Variants in MAST4 observed in about 807,000 individuals in gnomAD.
MAST4 encodes microtubule associated serine/threonine kinase family member 4, also known as microtubule-associated serine/threonine-protein kinase 4.
A neutral mutation model predicts 162.7 loss-of-function variants in MAST4; 89 were observed. The ratio of observed to expected loss-of-function variants is 0.55; its 90% CI spans 0.46 to 0.65. The LOEUF is 0.65. Ranked by LOEUF, MAST4 falls within the 30% of genes least tolerant of loss-of-function variation. MAST4 has a pLI of 0.00. For missense variants in MAST4, 3,153 were observed against 3,374.0 expected (o/e 0.93, Z 1.62); for synonymous variants, 1,479 against 1,361.1 (o/e 1.09, Z -1.91).
At chr5:66,742,307 A>G (rs1752518746) in intron 1 of MAST4, among the ~76,000 whole-genome samples, 1 of 152,148 alleles carries the variant, frequency 6.6e-6, no homozygotes, top group Non-Finnish European at 1.5e-5. Flanking sequence ...ACTGGTTGGC[A>G]CTCAAGCTCA....
intron 5 of MAST4, among the ~76,000 whole-genome samples, chr5:67,059,576 G>A (rs1759300987): frequency 6.6e-6 from 1 of 152,182 alleles, no homozygotes; most frequent in South Asian, 2.1e-4. Flanking sequence ...CTGAGACACA[G>A]TGACTCCAGG....
chr5:66,793,747 T>TAACC (rs1755526422), intron 3 of MAST4, among the ~76,000 whole-genome samples: 1 of 152,212 alleles, frequency 6.6e-6, no homozygotes, highest in Non-Finnish European at 1.5e-5. Context: ...TGTGTGAAGG[T>TAACC]TTCATTCACA....
At chr5:66,887,970 A>T (rs776682505) in intron 3 of MAST4, among the ~76,000 whole-genome samples, 8 of 152,124 alleles carry the variant, frequency 5.3e-5, no homozygotes, top group Non-Finnish European at 7.4e-5. Context: ...GCACTTTGGG[A>T]GGCCGAGGCG....
intron 1 of MAST4, among the ~76,000 whole-genome samples, chr5:66,698,468 T>C (rs1749554630): frequency 6.6e-6 from 1 of 151,960 alleles, no homozygotes; most frequent in South Asian, 2.1e-4. Context: ...CTATCTCTTT[T>C]ACAGGTACCT....
At chr5:66,777,738 T>C (rs923495618) in intron 2 of MAST4, among the ~76,000 whole-genome samples, 7 of 152,104 alleles carry the variant, frequency 4.6e-5, no homozygotes, top group Admixed American at 2.0e-4. Flanking sequence ...ATTATTATTT[T>C]AAAGAGGGCC....
chr5:67,124,193 C>T (rs1185894518), intron 14 of MAST4, among the ~76,000 whole-genome samples: 3 of 152,198 alleles, frequency 2.0e-5, no homozygotes, highest in Admixed American at 2.0e-4. Context: ...CCCTGCCCCT[C>T]CACCTTCTAC....
intron 4 of MAST4, among the ~76,000 whole-genome samples, chr5:67,041,592 A>G (rs1370661235): frequency 6.6e-6 from 1 of 152,210 alleles, no homozygotes; most frequent in Non-Finnish European, 1.5e-5. Context: ...TACATAAATT[A>G]TCTCAGTTAA....
chr5:66,842,123 A>G (rs1220271303), intron 3 of MAST4, among the ~76,000 whole-genome samples: 2 of 152,216 alleles, frequency 1.3e-5, no homozygotes, highest in Admixed American at 1.3e-4. Context: ...GCTTTAAAAC[A>G]GTAACTCTTT....
chr5:66,698,438 C>T (rs921399601), intron 1 of MAST4, among the ~76,000 whole-genome samples: 1 of 151,888 alleles, frequency 6.6e-6, no homozygotes, highest in South Asian at 2.1e-4. Flanking sequence ...TGTCCTACCC[C>T]CTTGCTGGCT....
chr5:66,928,192 T>C (rs7728800), intron 4 of MAST4, among the ~76,000 whole-genome samples: 12,268 of 152,226 alleles, frequency 0.081, 647 homozygotes, highest in African/African-American at 0.13. Context: ...ATACCCCTTC[T>C]GTTCTCATCC....
intron 4 of MAST4, among the ~76,000 whole-genome samples, chr5:67,049,037 A>ACG (rs1254055992): frequency 0.016 from 1,741 of 107,578 alleles, 153 homozygotes; most frequent in African/African-American, 0.066. Context: ...ATATATATAT[A>ACG]TATACGTGTA....
At chr5:67,032,387 T>G (rs1755450666) in intron 4 of MAST4, among the ~76,000 whole-genome samples, 1 of 152,216 alleles carries the variant, frequency 6.6e-6, no homozygotes, top group Non-Finnish European at 1.5e-5. Flanking sequence ...TCATTTTTAT[T>G]GGCTTATTCT....
In MAST4 at chr5:67,144,748, C is replaced by T. The variant is rs1770857730; in HGVS notation, c.2810C>T (p.Thr937Ile). 3 of 1,613,580 alleles carry T rather than the reference C, an allele frequency of 1.9e-6. No homozygotes were observed. The highest frequency in any genetic ancestry group is 1.3e-5 in the African/African-American group (1 of 74,930). Reference protein sequence around the residue: ...EDSVDKTKSTTLPSTETLSWS... With the variant: ...EDSVDKTKSTILPSTETLSWS... ...TCTGTGGACAAAACCAAAAGCACCA[C>T]CTTGCCATCCACAGAAACACTGAGC... Residue 937 changes from threonine to isoleucine, a missense_variant, in exon 22 of 29, where the codon ACC becomes ATC. Physicochemically the swap from Thr to Ile is moderately conservative, Grantham distance 89. Around this residue, in one of 7 missense-constraint regions of MAST4, gnomAD observed 619 missense variants for 744.2 expected, o/e 0.83. Coordinates refer to ENST00000403625, the MANE Select transcript of MAST4 (RefSeq NM_001164664.2).
At chr5:66,781,856 A>T (rs1188867608) in intron 2 of MAST4, among the ~76,000 whole-genome samples, 1 of 152,220 alleles carries the variant, frequency 6.6e-6, no homozygotes, top group Non-Finnish European at 1.5e-5. Flanking sequence ...CTAATCGGGT[A>T]CCATTATTCC....
chr5:67,076,677 G>C (rs1761688678), intron 5 of MAST4, among the ~76,000 whole-genome samples: 1 of 152,126 alleles, frequency 6.6e-6, no homozygotes, highest in South Asian at 2.1e-4. Context: ...AGCCTGCTTT[G>C]GCACTTCCTG....
chr5:66,923,859 A>G (rs986113818), intron 4 of MAST4, among the ~76,000 whole-genome samples: 2 of 152,186 alleles, frequency 1.3e-5, no homozygotes, highest in African/African-American at 4.8e-5. Context: ...AGATGTGGCA[A>G]ATTGTTCTCT....
chr5:66,830,745 G>A (rs959917783), intron 3 of MAST4, among the ~76,000 whole-genome samples: 124 of 152,228 alleles, frequency 8.1e-4, no homozygotes, highest in African/African-American at 2.8e-3. Flanking sequence ...CCACTGTAGG[G>A]AAACTATTTA....
At chr5:66,797,186 A>C (rs772435467) in intron 3 of MAST4, among the ~76,000 whole-genome samples, 23 of 152,172 alleles carry the variant, frequency 1.5e-4, no homozygotes, top group Admixed American at 6.5e-5. Context: ...CGTGTTTGCT[A>C]TCTTATTCTC....
At chr5:66,959,861 G>GTTT (rs563842060) in intron 4 of MAST4, among the ~76,000 whole-genome samples, 4,258 of 147,012 alleles carry the variant, frequency 0.029, 177 homozygotes, top group African/African-American at 0.1. Context: ...TTGCTTAGCT[G>GTTT]TTTTTTTTTT....
Sources: allele counts gnomAD v4.1 joint callset (sites outside exome capture counted in the v4.1 genomes callset), GRCh38; gene constraint gnomAD v4.1.1; regional missense constraint gnomAD v4.1.1; transcripts MANE v1.5; gene names NCBI Gene and HGNC (gene_info 2026-07-23, HGNC 2026-07-21).